CDK13: variants seen among roughly 807,000 people sequenced by gnomAD.
CDK13 encodes the protein cyclin dependent kinase 13.
A neutral mutation model predicts 137.6 loss-of-function variants in CDK13; 40 were observed. That is an observed-to-expected ratio of 0.29 (90% CI 0.23 to 0.38). The LOEUF (loss-of-function observed/expected upper bound fraction) is 0.38. CDK13 is among the 10% of genes least tolerant of loss of function. The pLI, the probability that CDK13 is intolerant of heterozygous loss-of-function variation, is 1.00. For missense variants in CDK13, 1,704 were observed against 1,951.8 expected (o/e 0.87, Z 2.39); for synonymous variants, 869 against 760.1 (o/e 1.14, Z -2.36).
At position 40,078,700 on chromosome 7, in the gene CDK13, T is replaced by C. The variant is rs1584078275; in HGVS notation, c.2898-20T>C. ...TGTGTCTAAAGAACACATCTAACTT[T>C]TGTAATCCTCTCATGCTAGTATTCC... On this transcript the variant is annotated intron_variant, in intron 10 of 13. Coordinates refer to ENST00000181839, the MANE Select transcript of CDK13 (RefSeq NM_003718.5). 12 of 1,438,192 alleles carry C rather than the reference T, an allele frequency of 8.3e-6. No homozygotes were observed. Among genetic ancestry groups the C allele is most frequent in the Non-Finnish European group, 1.1e-5 (12 of 1,088,082 alleles). The allele number at this position is 1,438,192 out of a possible 1,614,324, so 89.1% of individuals were successfully genotyped here.
chr7:40,093,089 G>A lies in CDK13; in HGVS notation c.3540G>A (p.Gln1180=). ...VETDAAQAAV[Q]SAFAVLLTQL... ...CTGATGCTGCCCAGGCGGCTGTGCA[G>A]AGTGCATTTGCAGTTCTGTTGACTC... is the stretch of plus-strand genomic sequence containing the variant. Residue 1180 remains glutamine (Q), a synonymous_variant, in exon 13 of 14, where the codon CAG becomes CAA. Coordinates refer to ENST00000181839, the MANE Select transcript of CDK13 (RefSeq NM_003718.5). The A allele has an allele frequency of 6.2e-7, 1 of 1,614,190 alleles. No individual in the cohort carries two copies. Among genetic ancestry groups the A allele is most frequent in the Non-Finnish European group, 8.5e-7 (1 of 1,180,038 alleles).
At position 39,950,967 on chromosome 7, in the gene CDK13, C is replaced by T. The variant is rs1485192446; in HGVS notation, c.326C>T (p.Pro109Leu). The change falls in exon 1 of 14, where the codon CCC (proline) becomes CTC (leucine). Residue 109 changes from proline to leucine, a missense_variant. By Grantham distance (98) the Pro-to-Leu change is moderately conservative (BLOSUM62 -3). This residue lies in a region of CDK13 where 1,051 missense variants were observed against 931.0 expected (regional missense o/e 1.13). Transcript: ENST00000181839. ...AGGRQKRRRG[P>L]RAGQEAEKRR... ...GGGCGGCAGAAGCGGCGTCGCGGGC[C>T]CCGCGCCGGGCAGGAGGCGGAGAAG... The T allele has an allele frequency of 2.3e-6, 3 of 1,314,886 alleles. No individual in the cohort carries two copies. Among genetic ancestry groups the T allele is most frequent in the Non-Finnish European group, 2.9e-6 (3 of 1,037,344 alleles). The allele number at this position is 1,314,886 out of a possible 1,614,324, so 81.5% of individuals were successfully genotyped here.
In CDK13 at chr7:39,981,348, G is replaced by A. The variant is rs367892927; in HGVS notation, c.1212-6251G>A. ...TGCGCCACTGCACTCCAGCCTGTGC[G>A]AAAAAGTGAGAGACCCTGTCTTAAA... On this transcript the variant is annotated intron_variant, in intron 1 of 13. Transcript: ENST00000181839. Among the ~76,000 whole-genome samples the A allele has an allele frequency of 6.7e-5, 10 of 150,210 alleles. No individual in the cohort carries two copies. The East Asian group carries it at 7.8e-4, about 12-fold the overall frequency.
At chr7:39,955,090 T>A (rs1474753376) in intron 1 of CDK13, among the ~76,000 whole-genome samples, 1 of 152,220 alleles carries the variant, frequency 6.6e-6, no homozygotes, top group East Asian at 1.9e-4. Context: ...TTTGCCGTAT[T>A]TTCTTTACTA....
At position 40,062,877 on chromosome 7, in the gene CDK13, G is replaced by C. The variant is rs1158786750; in HGVS notation, c.2652G>C (p.Leu884=). ...VITLWYRPPE[L]LLGEERYTPA... ...CTTTATGGTACCGTCCACCTGAACT[G>C]CTACTGGGAGAAGAACGATACACAC... is the stretch of plus-strand genomic sequence containing the variant. Residue 884 remains leucine, a synonymous_variant, in exon 8 of 14, where the codon CTG becomes CTC. Transcript: ENST00000181839. 6.2e-7 allele frequency: 1 copy of C among 1,613,974 alleles called. No homozygotes were observed. Among genetic ancestry groups the C allele is most frequent in the East Asian group, 2.2e-5 (1 of 44,856 alleles).
Position 39,997,539 on chromosome 7 carries a change from A to C in CDK13, c.1917A>C (p.Glu639Asp). The change falls in exon 3 of 14, where the codon GAA becomes GAC. Residue 639 changes from glutamate (E) to aspartate (D), a missense_variant. Physicochemically the swap from Glu to Asp is conservative, Grantham distance 45. Around this residue, in one of 5 missense-constraint regions of CDK13, gnomAD observed 1,051 missense variants for 931.0 expected, o/e 1.13. Transcript: ENST00000181839. ...TAAAAGCAGTTAAAAAAGAAGTAGA[A>C]AAGAAACTCCGATGTCTTCTTGCTG... ...ISVKAVKKEV[E>D]KKLRCLLADL... 6.2e-7 allele frequency: 1 copy of C among 1,602,712 alleles called. No individual in the cohort carries two copies. The highest frequency in any genetic ancestry group is 8.5e-7 in the Non-Finnish European group (1 of 1,177,550).
chr7:40,062,502 G>A (rs536696601), intron 7 of CDK13: 22 of 220,946 alleles, frequency 1.0e-4, no homozygotes, highest in African/African-American at 4.2e-4. Context: ...GGATGGTCTC[G>A]ATCTCCTGAC....
rs1463628887 is a variant in CDK13, at chr7:40,097,702, G to T, written c.*2722G>T. ...CTTCTCCCACGTGAAATTCCCTTTT[G>T]TATTTACTGACACAGCAGGTTTTTC... On this transcript the variant is annotated 3_prime_UTR_variant, in exon 14 of 14. Coordinates refer to ENST00000181839, the MANE Select transcript of CDK13 (RefSeq NM_003718.5). 6.6e-6 allele frequency: 1 copy of T among 152,074 alleles called. No individual in the cohort carries two copies. Among genetic ancestry groups the T allele is most frequent in the Non-Finnish European group, 1.5e-5 (1 of 67,972 alleles). 9.4% of individuals were successfully genotyped at this position (152,074 alleles called of 1,614,324 possible). A position where few individuals can be genotyped will look rare whatever the true frequency, so the allele number is the denominator to read the frequency against.
At chr7:39,983,535 T>A (rs1784274260) in intron 1 of CDK13, among the ~76,000 whole-genome samples, 1 of 152,236 alleles carries the variant, frequency 6.6e-6, no homozygotes, top group South Asian at 2.1e-4. Context: ...ATTTTACCTA[T>A]TATCTTTGTA....
intron 7 of CDK13, chr7:40,048,655 A>G (rs1437421354): frequency 4.8e-5 from 7 of 147,190 alleles, no homozygotes; most frequent in Non-Finnish European, 8.8e-5. Context: ...CCATAATTTA[A>G]TATAATGAAA....
chr7:39,967,064 C>T (rs17496171), intron 1 of CDK13, among the ~76,000 whole-genome samples: 6,530 of 152,180 alleles, frequency 0.043, 488 homozygotes, highest in African/African-American at 0.15. Flanking sequence ...GGTTCAGGGA[C>T]CCACTTGAGG....
At chr7:40,042,574 G>A (rs1211492746) in intron 5 of CDK13, among the ~76,000 whole-genome samples, 1 of 144,628 alleles carries the variant, frequency 6.9e-6, no homozygotes, top group African/African-American at 2.6e-5. Context: ...GACCTCCCAG[G>A]CTTAGGTGAT....
chr7:40,082,624 G>A lies in CDK13; in HGVS notation c.3029+3773G>A, dbSNP rs190286008. Among the ~76,000 whole-genome samples, 28 of 149,712 alleles carry A rather than the reference G, an allele frequency of 1.9e-4. 1 individual carries two copies. The highest frequency in any genetic ancestry group is 1.5e-3 in the Admixed American group (23 of 14,968). The stretch of plus-strand genomic sequence containing the variant: ...TGGCCGACATGGCGAAACCCTAGCT[G>A]TACTAAAAATACAAAAATTAGCTGG... On this transcript the variant is annotated intron_variant, in intron 11 of 13. Coordinates refer to ENST00000181839, the MANE Select transcript of CDK13 (RefSeq NM_003718.5).
chr7:39,968,322 G>A (rs182241993), intron 1 of CDK13, among the ~76,000 whole-genome samples: 304 of 152,262 alleles, frequency 2.0e-3, no homozygotes, highest in Non-Finnish European at 3.3e-3. Flanking sequence ...ATGTCATGGA[G>A]CTTTTCTTCT....
intron 1 of CDK13, among the ~76,000 whole-genome samples, chr7:39,955,013 G>T (rs1787365654): frequency 6.6e-6 from 1 of 152,106 alleles, no homozygotes; most frequent in Admixed American, 6.5e-5. Flanking sequence ...TGAATCTTCA[G>T]TCCTCGGCTC....
At chr7:40,049,812 C>T (rs1043625363) in intron 7 of CDK13, among the ~76,000 whole-genome samples, 1 of 152,104 alleles carries the variant, frequency 6.6e-6, no homozygotes, top group African/African-American at 2.4e-5. Flanking sequence ...TTAGATTTCA[C>T]GTATAAGTGA....
chr7:40,056,025 G>A (rs1053404944), intron 7 of CDK13, among the ~76,000 whole-genome samples: 4 of 152,246 alleles, frequency 2.6e-5, no homozygotes, highest in Non-Finnish European at 5.9e-5. Flanking sequence ...AACGGTTAAC[G>A]GGATTTAATA....
intron 7 of CDK13, among the ~76,000 whole-genome samples, chr7:40,059,794 A>G (rs963600337): frequency 4.6e-5 from 7 of 152,244 alleles, no homozygotes; most frequent in Admixed American, 3.9e-4. Context: ...AAAAGTATGT[A>G]TCAGTCTGAA....
intron 5 of CDK13, among the ~76,000 whole-genome samples, chr7:40,018,065 C>G (rs550725667): frequency 6.6e-6 from 1 of 151,642 alleles, no homozygotes; most frequent in Non-Finnish European, 1.5e-5. Context: ...AGATCGCCTT[C>G]TCTTTCCCCT....
Sources: gnomAD v4.1 joint callset for allele counts (sites outside exome capture counted in the v4.1 genomes callset) on GRCh38, gnomAD v4.1.1 for gene constraint, gnomAD v4.1.1 regional missense constraint, MANE v1.5 for transcripts, NCBI Gene and HGNC (gene_info 2026-07-23, HGNC 2026-07-21) for gene names.